PLXDC2: variants seen among roughly 807,000 people sequenced by gnomAD.
The protein encoded by PLXDC2 is plexin domain containing 2, also known as plexin domain-containing protein 2.
A neutral mutation model predicts 68.9 loss-of-function variants in PLXDC2; 40 were observed. That is an observed-to-expected ratio of 0.58 (90% CI 0.45 to 0.76). The LOEUF is 0.76. Ranked by LOEUF, PLXDC2 falls within the 30% of genes least tolerant of loss-of-function variation. PLXDC2 has a pLI of 0.00. For synonymous variants in PLXDC2, 243 were observed against 234.2 expected, an observed-to-expected ratio of 1.04 and a Z score of -0.34; for missense variants, 644 against 661.9, an observed-to-expected ratio of 0.97 and a Z score of 0.30.
At chr10:20,278,773 TAGA>T (rs1836042656) in intron 13 of PLXDC2, among the ~76,000 whole-genome samples, 1 of 152,178 alleles carries the variant, frequency 6.6e-6, no homozygotes, top group Non-Finnish European at 1.5e-5. Context: ...TGTTTTACAT[TAGA>T]ATTCTTTAGA....
At position 19,884,140 on chromosome 10, in the gene PLXDC2, A is replaced by G. The variant is rs139378999; in HGVS notation, c.112+66949A>G. On this transcript the variant is annotated intron_variant, in intron 1 of 13. Coordinates refer to ENST00000377252, the MANE Select transcript of PLXDC2 (RefSeq NM_032812.9). Reference sequence around the variant, plus strand: ...TCAAACTCCTGAGCTCAAGTGATCCACCCAACTCAGCCTCCCAAAGTGCTG... The same window carrying G: ...TCAAACTCCTGAGCTCAAGTGATCCGCCCAACTCAGCCTCCCAAAGTGCTG... Among the ~76,000 whole-genome samples, 1,042 of 149,832 alleles carry G rather than the reference A, an allele frequency of 7.0e-3. 12 individuals carry two copies. Among genetic ancestry groups the G allele is most frequent in the African/African-American group, 0.023 (922 of 40,704 alleles).
chr10:19,960,772 A>C (rs11011701), intron 1 of PLXDC2, among the ~76,000 whole-genome samples: 3 of 152,194 alleles, frequency 2.0e-5, no homozygotes, highest in Non-Finnish European at 2.9e-5. Context: ...TAAACATTTC[A>C]TATTAAAACA....
At chr10:19,923,657 C>T (rs1833497173) in intron 1 of PLXDC2, among the ~76,000 whole-genome samples, 1 of 152,146 alleles carries the variant, frequency 6.6e-6, no homozygotes, top group African/African-American at 2.4e-5. Flanking sequence ...TCTTTGATTT[C>T]ATGTGAAAAG....
At chr10:20,250,397 A>G (rs1223329593) in intron 13 of PLXDC2, among the ~76,000 whole-genome samples, 1 of 151,898 alleles carries the variant, frequency 6.6e-6, no homozygotes, top group Non-Finnish European at 1.5e-5. Flanking sequence ...AATCTTCCCC[A>G]TTATAAACAT....
intron 9 of PLXDC2, among the ~76,000 whole-genome samples, chr10:20,197,372 T>A (rs1834854073): frequency 6.6e-6 from 1 of 151,694 alleles, no homozygotes; most frequent in Non-Finnish European, 1.5e-5. Context: ...TTTGTTTGTT[T>A]GTTTGAAGGA....
At chr10:20,144,763 C>A (rs1441857821) in intron 5 of PLXDC2, among the ~76,000 whole-genome samples, 1 of 152,164 alleles carries the variant, frequency 6.6e-6, no homozygotes, top group African/African-American at 2.4e-5. Context: ...TTAGTGAACA[C>A]TGACTATTTT....
chr10:20,036,040 A>G (rs2131671903), intron 2 of PLXDC2, among the ~76,000 whole-genome samples: 1 of 152,312 alleles, frequency 6.6e-6, no homozygotes, highest in African/African-American at 2.4e-5. Flanking sequence ...TCTGATTAGT[A>G]CTAGAAAATG....
At chr10:19,909,965 G>A (rs1217856331) in intron 1 of PLXDC2, among the ~76,000 whole-genome samples, 2 of 152,172 alleles carry the variant, frequency 1.3e-5, no homozygotes, top group East Asian at 3.9e-4. Flanking sequence ...CTACTTGCAC[G>A]TATTTTGGGA....
intron 7 of PLXDC2, among the ~76,000 whole-genome samples, chr10:20,171,412 C>A (rs1834444391): frequency 6.6e-6 from 1 of 152,274 alleles, no homozygotes; most frequent in East Asian, 1.9e-4. Flanking sequence ...TAGGTGCTTA[C>A]ATTCTCAAGT....
chr10:20,152,176 T>C (rs1342522679), intron 6 of PLXDC2, among the ~76,000 whole-genome samples: 1 of 152,122 alleles, frequency 6.6e-6, no homozygotes. Context: ...GCACACTAAA[T>C]GATGAATGAT....
intron 1 of PLXDC2, among the ~76,000 whole-genome samples, chr10:19,949,920 C>T (rs1833965819): frequency 6.6e-6 from 1 of 152,168 alleles, no homozygotes. Context: ...ATTATTATAG[C>T]CCAACTTTTG....
At chr10:20,180,632 T>C (rs1834590821) in intron 9 of PLXDC2, among the ~76,000 whole-genome samples, 1 of 152,104 alleles carries the variant, frequency 6.6e-6, no homozygotes, top group African/African-American at 2.4e-5. Context: ...TTGGTGGTAA[T>C]TACTGAACTC....
intron 2 of PLXDC2, among the ~76,000 whole-genome samples, chr10:20,033,162 C>A (rs527779372): frequency 5.3e-5 from 8 of 150,746 alleles, no homozygotes; most frequent in African/African-American, 1.7e-4. Context: ...TGCACATGTA[C>A]CCTAGAACTT....
chr10:20,164,594 G>A (rs368384793), intron 7 of PLXDC2, 27 bp downstream of exon 7: 2 of 1,541,910 alleles, frequency 1.3e-6, no homozygotes, highest in African/African-American at 2.7e-5. Context: ...CAGTCGCAAT[G>A]AGTGAGCCTC....
chr10:19,864,125 T>G (rs1589507505), intron 1 of PLXDC2, among the ~76,000 whole-genome samples: 1 of 152,140 alleles, frequency 6.6e-6, no homozygotes, highest in Non-Finnish European at 1.5e-5. Context: ...CTCTGCCTCC[T>G]GAGTAGCTGG....
At chr10:19,842,630 G>T (rs1836931079) in intron 1 of PLXDC2, among the ~76,000 whole-genome samples, 1 of 152,092 alleles carries the variant, frequency 6.6e-6, no homozygotes, top group South Asian at 2.1e-4. Context: ...CAACTCATAG[G>T]CCAGAAGATT....
rs1489083501 is a variant in PLXDC2 at position 20,281,627 on chromosome 10, CTT to C, written c.*1812_*1813del. On this transcript the variant is annotated 3_prime_UTR_variant, in exon 14 of 14. Coordinates refer to ENST00000377252, the MANE Select transcript of PLXDC2 (RefSeq NM_032812.9). ...TTTAAGTATTTGATGAAGATGGTAA[CTT>C]TTTCCTAACTTAGTTAACTATTAAA... 1.3e-5 allele frequency: 2 copies of C among 152,020 alleles called. No individual in the cohort carries two copies. Among genetic ancestry groups the C allele is most frequent in the African/African-American group, 4.8e-5 (2 of 41,384 alleles). 9.4% of individuals were successfully genotyped at this position (152,020 alleles called of 1,614,324 possible).
chr10:20,210,523 A>T (rs1247888462), intron 9 of PLXDC2, among the ~76,000 whole-genome samples: 3 of 152,178 alleles, frequency 2.0e-5, no homozygotes, highest in Non-Finnish European at 4.4e-5. Flanking sequence ...CAAGGAAGAC[A>T]GTATGAGTGA....
chr10:19,872,372 AG>A (rs1027517025), intron 1 of PLXDC2, among the ~76,000 whole-genome samples: 1 of 152,340 alleles, frequency 6.6e-6, no homozygotes, highest in Non-Finnish European at 1.5e-5. Context: ...AAGCCATGAT[AG>A]GTCAAAATTG....
Sources: gnomAD v4.1 joint callset for allele counts (sites outside exome capture counted in the v4.1 genomes callset) on GRCh38, gnomAD v4.1.1 for gene constraint, MANE v1.5 for transcripts, NCBI Gene and HGNC (gene_info 2026-07-23, HGNC 2026-07-21) for gene names.